CACNG2: variants seen among roughly 807,000 people sequenced by gnomAD.
CACNG2 encodes calcium voltage-gated channel auxiliary subunit gamma 2.
A neutral mutation model predicts 25.9 loss-of-function variants in CACNG2; 3 were observed. The ratio of observed to expected loss-of-function variants is 0.12; its 90% CI spans 0.05 to 0.30. The LOEUF is 0.30. Among genes scored for constraint, CACNG2 ranks in the 10% least tolerant of loss-of-function variants. CACNG2 has a pLI of 1.00. For missense variants in CACNG2, 341 were observed against 432.5 expected (o/e 0.79, Z 1.88); for synonymous variants, 167 against 173.3 (o/e 0.96, Z 0.29).
chr22:36,621,632 C>T (rs1429652003), intron 1 of CACNG2, among the ~76,000 whole-genome samples: 1 of 151,660 alleles, frequency 6.6e-6, no homozygotes. Context: ...TGCATACATA[C>T]ACAGGCACAC....
At chr22:36,586,695 G>C (rs1603500905) in intron 2 of CACNG2, among the ~76,000 whole-genome samples, 2 of 151,450 alleles carry the variant, frequency 1.3e-5, no homozygotes, top group South Asian at 4.2e-4. Context: ...CCTGGGAGGA[G>C]AGCAAACCTC....
chr22:36,695,537 T>C (rs1270657971), intron 1 of CACNG2, among the ~76,000 whole-genome samples: 1 of 138,820 alleles, frequency 7.2e-6, no homozygotes. Context: ...CTTCTCTTGG[T>C]ACTTGTCTCA....
Position 36,613,752 on chromosome 22 carries a change from C to T in CACNG2, c.212-26204G>A, listed in dbSNP as rs551446227. On this transcript the variant is annotated intron_variant, in intron 1 of 3. Coordinates refer to ENST00000300105, the MANE Select transcript of CACNG2 (RefSeq NM_006078.5). ...GTTCTTGGTGCGCTGGCTGTCCCCC[C>T]GTGAATATCCCACAGATATCTGAAC... 7.7e-4 allele frequency among the ~76,000 whole-genome samples: 117 copies of T among 152,162 alleles called. 1 individual carries two copies. Among genetic ancestry groups the T allele is most frequent in the African/African-American group, 2.7e-3 (113 of 41,502 alleles).
Position 36,693,041 on chromosome 22 carries a change from G to A in CACNG2, c.211+9325C>T, listed in dbSNP as rs187728580. On this transcript the variant is annotated intron_variant, in intron 1 of 3. Transcript: ENST00000300105. Reference sequence around the variant, plus strand: ...TGCGCCTGTAATCCCAGCTACTCGGGAGGCTGAGGCATAAGAATTGCTTTA... The same window carrying A: ...TGCGCCTGTAATCCCAGCTACTCGGAAGGCTGAGGCATAAGAATTGCTTTA... 3.5e-3 allele frequency among the ~76,000 whole-genome samples: 532 copies of A among 152,210 alleles called. 2 individuals are homozygous for A. Among genetic ancestry groups the A allele is most frequent in the African/African-American group, 0.011 (472 of 41,514 alleles).
In CACNG2 at chr22:36,662,179, G is replaced by T. The variant is rs561483654; in HGVS notation, c.211+40187C>A. On this transcript the variant is annotated intron_variant, in intron 1 of 3. Transcript: ENST00000300105. ...GTATTTTTAGTAGAGATGGGGTTTT[G>T]CCATGTTGGCCAGGCTGGTCTCGAA... 1.9e-4 allele frequency among the ~76,000 whole-genome samples: 29 copies of T among 151,494 alleles called. No homozygotes were observed. The East Asian group carries it at 5.5e-3, about 29-fold the overall frequency.
At chr22:36,647,134 T>C (rs907527047) in intron 1 of CACNG2, among the ~76,000 whole-genome samples, 1 of 152,208 alleles carries the variant, frequency 6.6e-6, no homozygotes, top group African/African-American at 2.4e-5. Context: ...CCTACTCATT[T>C]ACTTTGCAAA....
At chr22:36,583,689 T>C (rs1040217321) in intron 2 of CACNG2, among the ~76,000 whole-genome samples, 2 of 152,188 alleles carry the variant, frequency 1.3e-5, no homozygotes, top group African/African-American at 2.4e-5. Context: ...ATCTCCTTCC[T>C]TCTCACCATC....
chr22:36,682,064 C>T (rs1937131831), intron 1 of CACNG2, among the ~76,000 whole-genome samples: 1 of 152,194 alleles, frequency 6.6e-6, no homozygotes, highest in Non-Finnish European at 1.5e-5. Context: ...AACAGCAGAC[C>T]AAGAGGCAGA....
At chr22:36,624,229 G>A (rs146975330) in intron 1 of CACNG2, among the ~76,000 whole-genome samples, 2 of 152,326 alleles carry the variant, frequency 1.3e-5, no homozygotes, top group Non-Finnish European at 2.9e-5. Context: ...GGGATGGCCC[G>A]AGGCAAAGCC....
chr22:36,683,625 C>T (rs1415809311), intron 1 of CACNG2, among the ~76,000 whole-genome samples: 1 of 152,158 alleles, frequency 6.6e-6, no homozygotes. Flanking sequence ...ACAGCTTCTT[C>T]CAAGAAAACA....
intron 1 of CACNG2, among the ~76,000 whole-genome samples, chr22:36,618,749 T>C (rs1603501785): frequency 6.6e-6 from 1 of 152,038 alleles, no homozygotes; most frequent in East Asian, 1.9e-4. Context: ...TGAAACCCCG[T>C]CTCTACTAAA....
At chr22:36,635,147 G>A (rs1936334347) in intron 1 of CACNG2, among the ~76,000 whole-genome samples, 1 of 152,088 alleles carries the variant, frequency 6.6e-6, no homozygotes, top group African/African-American at 2.4e-5. Flanking sequence ...AGCCAGGTGT[G>A]GTGGCAAGTG....
chr22:36,582,980 C>T (rs770889038), intron 2 of CACNG2, among the ~76,000 whole-genome samples: 5 of 151,928 alleles, frequency 3.3e-5, no homozygotes, highest in Non-Finnish European at 7.4e-5. Context: ...GTTTCATGGA[C>T]CTTGTGACTT....
chr22:36,582,882 G>A (rs920300331), intron 2 of CACNG2, among the ~76,000 whole-genome samples: 1 of 151,888 alleles, frequency 6.6e-6, no homozygotes, highest in African/African-American at 2.4e-5. Flanking sequence ...CCTCAAAGAG[G>A]GCCTGGCATA....
intron 1 of CACNG2, among the ~76,000 whole-genome samples, chr22:36,690,606 C>G (rs766771262): frequency 6.6e-6 from 1 of 152,130 alleles, no homozygotes; most frequent in Non-Finnish European, 1.5e-5. Context: ...AGGAGGGAGA[C>G]AAAATGATTA....
chr22:36,582,405 TC>T (rs66459523), intron 2 of CACNG2, among the ~76,000 whole-genome samples: 27,846 of 144,694 alleles, frequency 0.19, 3,250 homozygotes, highest in South Asian at 0.27. Context: ...GCTCTTTCTT[TC>T]TTTCTTTTTT....
chr22:36,645,503 C>G (rs2145970731), intron 1 of CACNG2, among the ~76,000 whole-genome samples: 1 of 147,754 alleles, frequency 6.8e-6, no homozygotes, highest in Non-Finnish European at 1.5e-5. Context: ...CGCCACTGCA[C>G]TCCAGCCTGG....
intron 1 of CACNG2, among the ~76,000 whole-genome samples, chr22:36,609,986 T>TC (rs1935911736): frequency 8.6e-6 from 1 of 116,522 alleles, no homozygotes; most frequent in African/African-American, 3.4e-5. Context: ...GGAATCAGTC[T>TC]CCCAGAGCGT....
intron 1 of CACNG2, among the ~76,000 whole-genome samples, chr22:36,614,694 T>A (rs941840342): frequency 1.3e-5 from 2 of 152,098 alleles, no homozygotes; most frequent in African/African-American, 4.8e-5. Flanking sequence ...GTGAGGCCTG[T>A]GATGCCATAA....
Sources: gnomAD v4.1 joint callset for allele counts (sites outside exome capture counted in the v4.1 genomes callset) on GRCh38, gnomAD v4.1.1 for gene constraint, MANE v1.5 for transcripts, NCBI Gene and HGNC (gene_info 2026-07-23, HGNC 2026-07-21) for gene names.